The following DLGAP2 variants were observed in gnomAD, a reference collection of about 807,000 sequenced individuals.
The protein encoded by DLGAP2 is disks large-associated protein 2.
In DLGAP2, 26 loss-of-function variants were observed where a neutral mutation model predicts 100.3. The observed-to-expected ratio is 0.26, with a 90% CI of 0.19 to 0.36. The LOEUF is 0.36. Ranked by LOEUF, DLGAP2 falls within the 10% of genes least tolerant of loss-of-function variation. DLGAP2 has a pLI of 1.00. For missense variants in DLGAP2, 1,858 were observed against 1,453.2 expected, an observed-to-expected ratio of 1.28 and a Z score of -4.53; for synonymous variants, 886 against 630.1, an observed-to-expected ratio of 1.41 and a Z score of -6.08.
At chr8:1,641,691 G>C (rs2130794744) in intron 8 of DLGAP2, among the ~76,000 whole-genome samples, 1 of 152,234 alleles carries the variant, frequency 6.6e-6, no homozygotes, top group East Asian at 1.9e-4. Flanking sequence ...GTTGTCCTAA[G>C]AGTAACAGTT....
At chr8:947,836 G>A (rs1342135269) in intron 2 of DLGAP2, among the ~76,000 whole-genome samples, 2 of 113,580 alleles carry the variant, frequency 1.8e-5, no homozygotes, top group Non-Finnish European at 3.7e-5. Flanking sequence ...CATGGCTCCC[G>A]ACCCCGTGCC....
chr8:966,395 T>C (rs1431756582), intron 2 of DLGAP2, among the ~76,000 whole-genome samples: 7 of 152,296 alleles, frequency 4.6e-5, no homozygotes, highest in Admixed American at 3.9e-4. Flanking sequence ...AAAAGATAAG[T>C]ATCGAGGAAG....
At chr8:1,047,343 G>A (rs1362512608) in intron 2 of DLGAP2, among the ~76,000 whole-genome samples, 2 of 152,162 alleles carry the variant, frequency 1.3e-5, no homozygotes, top group African/African-American at 2.4e-5. Context: ...TTTGGGAAAC[G>A]AAGTCTTTCG....
intron 3 of DLGAP2, among the ~76,000 whole-genome samples, chr8:1,447,043 G>A (rs1339711884): frequency 6.6e-6 from 1 of 152,192 alleles, no homozygotes; most frequent in Non-Finnish European, 1.5e-5. Context: ...TGCAAAGAGG[G>A]ACAATTTGAC....
At chr8:1,007,644 G>A (rs1472989644) in intron 2 of DLGAP2, among the ~76,000 whole-genome samples, 1 of 146,164 alleles carries the variant, frequency 6.8e-6, no homozygotes, top group South Asian at 2.3e-4. Flanking sequence ...TTGGGGGGGG[G>A]ATCTTCTGTG....
chr8:1,215,373 C>A (rs898054689), intron 2 of DLGAP2, among the ~76,000 whole-genome samples: 1 of 152,060 alleles, frequency 6.6e-6, no homozygotes, highest in African/African-American at 2.4e-5. Context: ...GCTAATCGTG[C>A]AGGTTGAGAG....
intron 1 of DLGAP2, among the ~76,000 whole-genome samples, chr8:803,997 C>T (rs915523587): frequency 1.3e-5 from 2 of 152,116 alleles, no homozygotes; most frequent in African/African-American, 4.8e-5. Context: ...CTGCTGCCTT[C>T]TTGCTGGGTT....
intron 2 of DLGAP2, among the ~76,000 whole-genome samples, chr8:1,232,465 G>T (rs868564176): frequency 1.3e-5 from 2 of 152,248 alleles, no homozygotes; most frequent in Non-Finnish European, 1.5e-5. Flanking sequence ...AGGCTGTGAT[G>T]AGGGGAGGAT....
At chr8:1,305,550 G>A (rs1241747417) in intron 3 of DLGAP2, among the ~76,000 whole-genome samples, 3 of 152,180 alleles carry the variant, frequency 2.0e-5, no homozygotes, top group Non-Finnish European at 1.5e-5. Context: ...GTGCTCATCT[G>A]TGCTTCACCC....
chr8:1,151,522 G>T (rs759362767), intron 2 of DLGAP2, among the ~76,000 whole-genome samples: 1 of 152,208 alleles, frequency 6.6e-6, no homozygotes, highest in African/African-American at 2.4e-5. Context: ...CTTGTTTGCA[G>T]ATCCTCAGTG....
intron 2 of DLGAP2, among the ~76,000 whole-genome samples, chr8:1,148,088 ACTT>A (rs1477737466): frequency 2.6e-4 from 40 of 152,270 alleles, no homozygotes; most frequent in Non-Finnish European, 3.5e-4. Context: ...GAAGCCATCT[ACTT>A]CTGGTGGTTC....
At chr8:1,518,288 C>T (rs958977513) in intron 4 of DLGAP2, among the ~76,000 whole-genome samples, 22 of 152,218 alleles carry the variant, frequency 1.4e-4, no homozygotes, top group African/African-American at 5.3e-4. Context: ...TCTGCTTCAT[C>T]CTCATCTGCC....
Position 1,669,254 on chromosome 8 carries a change from C to T in DLGAP2, c.2161-489C>T, listed in dbSNP as rs558575113. 5.7e-4 allele frequency among the ~76,000 whole-genome samples: 87 copies of T among 152,294 alleles called. 1 individual carries two copies. The highest frequency in any genetic ancestry group is 4.6e-4 in the African/African-American group (19 of 41,574). ...GGTTTCAGACCACAGACGGTTGACC[C>T]GCCGTCCATCTGGGCCCCCAGATGT... On this transcript the variant is annotated intron_variant, in intron 9 of 14. Transcript: ENST00000637795.
At chr8:1,075,042 A>C (rs1468378559) in intron 2 of DLGAP2, among the ~76,000 whole-genome samples, 2 of 151,618 alleles carry the variant, frequency 1.3e-5, no homozygotes, top group Admixed American at 6.6e-5. Flanking sequence ...ACTACATCTC[A>C]CAACAGTGCA....
chr8:1,181,470 C>T (rs1366353163), intron 2 of DLGAP2, among the ~76,000 whole-genome samples: 3 of 152,038 alleles, frequency 2.0e-5, no homozygotes, highest in Admixed American at 6.5e-5. Context: ...ATAGTATTCT[C>T]ACCTCTAAGT....
At chr8:1,323,939 C>T (rs1459158677) in intron 3 of DLGAP2, among the ~76,000 whole-genome samples, 6 of 152,068 alleles carry the variant, frequency 3.9e-5, no homozygotes, top group Non-Finnish European at 7.3e-5. Context: ...TCGGAAAGCC[C>T]AGCTGTTATT....
intron 4 of DLGAP2, among the ~76,000 whole-genome samples, chr8:1,506,624 T>G (rs993107554): frequency 1.3e-5 from 2 of 152,194 alleles, no homozygotes; most frequent in Non-Finnish European, 2.9e-5. Flanking sequence ...CAGTGCCGGC[T>G]CAGGCAGACT....
At position 875,965 on chromosome 8, in the gene DLGAP2, A is replaced by G. The variant is rs563426790; in HGVS notation, c.19-31947A>G. Among the ~76,000 whole-genome samples the G allele has an allele frequency of 4.6e-5, 7 of 152,262 alleles. No individual in the cohort carries two copies. In the East Asian group the frequency reaches 1.4e-3, roughly 29 times the overall value. On this transcript the variant is annotated intron_variant, in intron 1 of 14. Transcript: ENST00000637795. ...ATTATTATACTTATTACATCTCTTA[A>G]TGTTGCAAACGCAACAGCACATTGT... is the stretch of plus-strand genomic sequence containing the variant.
intron 3 of DLGAP2, among the ~76,000 whole-genome samples, chr8:1,462,708 G>T (rs1306981446): frequency 5.9e-5 from 9 of 152,174 alleles, no homozygotes; most frequent in Non-Finnish European, 7.3e-5. Context: ...GAAGGGGAAG[G>T]GACCAGGAAT....
Sources: allele counts gnomAD v4.1 joint callset (sites outside exome capture counted in the v4.1 genomes callset), GRCh38; gene constraint gnomAD v4.1.1; transcripts MANE v1.5; gene names NCBI Gene and HGNC (gene_info 2026-07-23, HGNC 2026-07-21).